The following PDE7B variants were observed in gnomAD, a reference collection of about 807,000 sequenced individuals.
PDE7B encodes the protein phosphodiesterase 7B.
Under a neutral mutation model 56.2 loss-of-function variants are expected in PDE7B, and 29 were observed. The observed-to-expected ratio is 0.52, with a 90% CI of 0.38 to 0.70. PDE7B has a LOEUF of 0.70. Ranked by LOEUF, PDE7B falls within the 30% of genes least tolerant of loss-of-function variation. The pLI, the probability that PDE7B is intolerant of heterozygous loss-of-function variation, is 0.00. For missense variants in PDE7B, 490 were observed against 565.0 expected, an observed-to-expected ratio of 0.87 and a Z score of 1.35; for synonymous variants, 197 against 196.9, an observed-to-expected ratio of 1.00 and a Z score of 0.00.
At chr6:136,112,082 C>G (rs901686226) in intron 3 of PDE7B, among the ~76,000 whole-genome samples, 1 of 152,114 alleles carries the variant, frequency 6.6e-6, no homozygotes, top group African/African-American at 2.4e-5. Flanking sequence ...GGTGTCCCTC[C>G]CCCACCCACC....
intron 2 of PDE7B, among the ~76,000 whole-genome samples, chr6:135,965,699 T>A (rs889685169): frequency 6.6e-5 from 10 of 152,154 alleles, no homozygotes; most frequent in Admixed American, 5.9e-4. Context: ...ATGATTCGGT[T>A]ACCTCCCACT....
In PDE7B at chr6:136,016,702, G is replaced by T. The variant is rs1015587789; in HGVS notation, c.82+69178G>T. 4.6e-5 allele frequency among the ~76,000 whole-genome samples: 7 copies of T among 151,996 alleles called. No homozygotes were observed. In the South Asian group the frequency reaches 6.2e-4, roughly 14 times the overall value. ...ACACCTCTCCCTAAGTATGGGGTGG[G>T]CAGGCCTCGGACAAGTTCAACCACC... is the stretch of plus-strand genomic sequence containing the variant. On this transcript the variant is annotated intron_variant, in intron 2 of 12. Coordinates refer to ENST00000308191, the MANE Select transcript of PDE7B (RefSeq NM_018945.4).
At chr6:135,913,309 C>T (rs763814428) in intron 1 of PDE7B, among the ~76,000 whole-genome samples, 40 of 152,188 alleles carry the variant, frequency 2.6e-4, no homozygotes, top group Non-Finnish European at 5.1e-4. Context: ...CAGTCCAGGG[C>T]CTGTGCTGCT....
At chr6:135,997,995 G>A (rs763320428) in intron 2 of PDE7B, among the ~76,000 whole-genome samples, 6 of 152,108 alleles carry the variant, frequency 3.9e-5, no homozygotes, top group Non-Finnish European at 8.8e-5. Flanking sequence ...TATTTTCCAA[G>A]CTACTCTACC....
chr6:136,033,829 C>T (rs138713338), intron 2 of PDE7B, among the ~76,000 whole-genome samples: 22 of 151,724 alleles, frequency 1.5e-4, no homozygotes, highest in Non-Finnish European at 2.5e-4. Flanking sequence ...CTTCCCTGCT[C>T]ATTTTGAATT....
intron 1 of PDE7B, among the ~76,000 whole-genome samples, chr6:135,911,479 C>T (rs573572711): frequency 1.8e-4 from 28 of 152,286 alleles, no homozygotes; most frequent in African/African-American, 2.6e-4. Context: ...TTTAAACCAA[C>T]GTGATATAAA....
At chr6:136,057,761 G>C (rs1776763463) in intron 2 of PDE7B, among the ~76,000 whole-genome samples, 1 of 152,104 alleles carries the variant, frequency 6.6e-6, no homozygotes, top group Non-Finnish European at 1.5e-5. Context: ...GTTTGAGACG[G>C]AGTCTTGTTC....
intron 6 of PDE7B, among the ~76,000 whole-genome samples, chr6:136,153,141 A>C (rs1359296277): frequency 6.6e-6 from 1 of 152,250 alleles, no homozygotes; most frequent in Non-Finnish European, 1.5e-5. Context: ...TGATTGAGCA[A>C]AGAAATGGCC....
At chr6:136,012,264 GA>G (rs1775907883) in intron 2 of PDE7B, among the ~76,000 whole-genome samples, 1 of 152,072 alleles carries the variant, frequency 6.6e-6, no homozygotes, top group Non-Finnish European at 1.5e-5. Flanking sequence ...TCCCTTTCTT[GA>G]GGTGTCTCTG....
chr6:135,856,701 G>A (rs1411173900), intron 1 of PDE7B, among the ~76,000 whole-genome samples: 1 of 152,114 alleles, frequency 6.6e-6, no homozygotes, highest in Non-Finnish European at 1.5e-5. Flanking sequence ...CTCAAGCATG[G>A]AAAATAGGGA....
At chr6:135,958,140 G>A (rs918083267) in intron 2 of PDE7B, among the ~76,000 whole-genome samples, 10 of 152,142 alleles carry the variant, frequency 6.6e-5, no homozygotes, top group East Asian at 5.8e-4. Context: ...GTTGAGACAC[G>A]AAAATCACTT....
intron 3 of PDE7B, chr6:136,110,993 C>CA (rs138434333): frequency 1.5e-4 from 23 of 152,348 alleles, no homozygotes; most frequent in African/African-American, 5.1e-4. Context: ...ACCTGGTACT[C>CA]ACAATCCTCC....
chr6:136,002,686 C>T (rs1775695034), intron 2 of PDE7B, among the ~76,000 whole-genome samples: 1 of 152,144 alleles, frequency 6.6e-6, no homozygotes, highest in South Asian at 2.1e-4. Context: ...TACAGGAGCA[C>T]CCAGATTCAT....
intron 3 of PDE7B, among the ~76,000 whole-genome samples, chr6:136,136,289 G>A (rs1778210190): frequency 1.3e-5 from 2 of 152,088 alleles, no homozygotes; most frequent in African/African-American, 4.8e-5. Flanking sequence ...GAACTTAGAT[G>A]AGAGCACACA....
At chr6:135,919,774 G>A (rs1314079667) in intron 1 of PDE7B, among the ~76,000 whole-genome samples, 5 of 152,162 alleles carry the variant, frequency 3.3e-5, no homozygotes, top group African/African-American at 1.2e-4. Context: ...AGGGTTGTTA[G>A]GATAGTATCT....
chr6:135,982,506 A>G (rs1775314753), intron 2 of PDE7B, among the ~76,000 whole-genome samples: 1 of 152,078 alleles, frequency 6.6e-6, no homozygotes, highest in Non-Finnish European at 1.5e-5. Context: ...TCAATCAGGA[A>G]CTGCTAAGGA....
intron 2 of PDE7B, among the ~76,000 whole-genome samples, chr6:136,009,291 T>A (rs1188964283): frequency 6.6e-6 from 1 of 152,122 alleles, no homozygotes. Flanking sequence ...TTTGTTCTTT[T>A]GGCTTAGGAT....
chr6:135,966,680 C>A (rs1488842587), intron 2 of PDE7B, among the ~76,000 whole-genome samples: 1 of 152,046 alleles, frequency 6.6e-6, no homozygotes, highest in African/African-American at 2.4e-5. Context: ...ACCCAAATAC[C>A]CTCTCTTTGA....
intron 8 of PDE7B, among the ~76,000 whole-genome samples, chr6:136,171,023 A>G (rs2128449769): frequency 6.6e-6 from 1 of 152,256 alleles, no homozygotes; most frequent in Admixed American, 6.5e-5. Flanking sequence ...TCTTGAAACC[A>G]AATGGAGACT....
Sources: allele counts gnomAD v4.1 joint callset (sites outside exome capture counted in the v4.1 genomes callset), GRCh38; gene constraint gnomAD v4.1.1; transcripts MANE v1.5; gene names NCBI Gene and HGNC (gene_info 2026-07-23, HGNC 2026-07-21).